PRRC2C: variants seen among roughly 807,000 people sequenced by gnomAD.
PRRC2C encodes the protein proline rich coiled-coil 2C, also known as protein PRRC2C.
A neutral mutation model predicts 317.2 loss-of-function variants in PRRC2C; 72 were observed. That is an observed-to-expected ratio of 0.23 (90% CI 0.19 to 0.28). PRRC2C has a LOEUF of 0.28. Ranked by LOEUF, PRRC2C falls within the 10% of genes least tolerant of loss-of-function variation. The pLI is 1.00. For missense variants in PRRC2C, 3,074 were observed against 3,459.7 expected, an observed-to-expected ratio of 0.89 and a Z score of 2.80; for synonymous variants, 1,296 against 1,205.9, an observed-to-expected ratio of 1.07 and a Z score of -1.55.
At chr1:171,586,063 A>ATT (rs920423722) in intron 30 of PRRC2C, among the ~76,000 whole-genome samples, 15 of 83,028 alleles carry the variant, frequency 1.8e-4, no homozygotes, top group African/African-American at 6.1e-4. Flanking sequence ...TCAGGTGTTG[A>ATT]TTTTTTTTTT....
chr1:171,570,022 A>T (rs545543836), intron 23 of PRRC2C, among the ~76,000 whole-genome samples: 88 of 152,226 alleles, frequency 5.8e-4, no homozygotes, highest in Non-Finnish European at 1.0e-3. Context: ...CCAGCCTCAT[A>T]TATAGGTGAA....
chr1:171,584,699 C>A (rs1382900204), intron 30 of PRRC2C, among the ~76,000 whole-genome samples, 173 bp downstream of exon 30: 1 of 152,168 alleles, frequency 6.6e-6, no homozygotes, highest in East Asian at 1.9e-4. Flanking sequence ...GGGTTTCAGG[C>A]TCATGACACC....
rs765763258 is a variant in PRRC2C at position 171,587,704 on chromosome 1, A to G, written c.8025A>G (p.Thr2675=). 6.2e-7 allele frequency: 1 copy of G among 1,613,626 alleles called. No homozygotes were observed. The highest frequency in any genetic ancestry group is 8.5e-7 in the Non-Finnish European group (1 of 1,179,620). ...FGSGIDIKPG[T]PPIAGRSTTP... ...GTGGCATTGATATAAAACCAGGCAC[A>G]CCTCCAATCGCTGGTAGAAGCACCA... The change falls in exon 32 of 35, where the codon ACA becomes ACG. Residue 2675 remains threonine (T), a synonymous_variant. Coordinates refer to ENST00000647382, the MANE Select transcript of PRRC2C (RefSeq NM_001387844.1).
intron 30 of PRRC2C, 78 bp from the exon 31 acceptor site, chr1:171,586,925 G>C (rs993942425): frequency 9.3e-7 from 1 of 1,070,178 alleles, no homozygotes; most frequent in Admixed American, 2.2e-5. Context: ...AGTATTTGAA[G>C]AGTTGTGTAT....
intron 12 of PRRC2C, among the ~76,000 whole-genome samples, chr1:171,533,827 T>C (rs988168237): frequency 2.0e-5 from 3 of 152,312 alleles, no homozygotes; most frequent in Middle Eastern, 3.4e-3. Context: ...TTTCACTATG[T>C]TGGCTAGCAT....
Position 171,566,629 on chromosome 1 carries a change from A to T in PRRC2C, c.6344A>T (p.Lys2115Ile). Residue 2115 changes from lysine (K) to isoleucine (I), a missense_variant, in exon 22 of 35, where the codon AAA becomes ATA. Physicochemically the swap from Lys to Ile is moderately radical, Grantham distance 102. Coordinates refer to ENST00000647382, the MANE Select transcript of PRRC2C (RefSeq NM_001387844.1). ...DLSPVENKEH[K>I]PGPIGKERSL... is the part of the protein sequence containing the mutation. ...AGTCCAGTAGAAAACAAAGAACACAAACCTGGTCCCATTGGAAAGGAACGT... is the reference window on the plus strand; with the variant it reads ...AGTCCAGTAGAAAACAAAGAACACATACCTGGTCCCATTGGAAAGGAACGT... 6.2e-7 allele frequency: 1 copy of T among 1,601,212 alleles called. No individual in the cohort carries two copies.
chr1:171,518,352 GAGGTCCAT>G (rs886912146), intron 6 of PRRC2C, among the ~76,000 whole-genome samples: 2 of 151,652 alleles, frequency 1.3e-5, no homozygotes, highest in East Asian at 1.9e-4. Flanking sequence ...TTCCTGAGAG[GAGGTCCAT>G]AGGTCCATAG....
intron 11 of PRRC2C, among the ~76,000 whole-genome samples, chr1:171,531,391 C>T (rs1420849217): frequency 6.6e-6 from 1 of 152,190 alleles, no homozygotes; most frequent in African/African-American, 2.4e-5. Context: ...TTCAGCTTAT[C>T]TCTGAGCTGT....
rs1273377463 is a variant in PRRC2C, at chr1:171,540,875, G to C, written c.3409G>C (p.Glu1137Gln). 6.2e-7 allele frequency: 1 copy of C among 1,613,424 alleles called. No individual in the cohort carries two copies. The highest frequency in any genetic ancestry group is 8.5e-7 in the Non-Finnish European group (1 of 1,179,742). Residue 1137 changes from glutamate to glutamine, a missense_variant, in exon 16 of 35, where the codon GAA becomes CAA. Around this residue, in one of 11 missense-constraint regions of PRRC2C, gnomAD observed 1,320 missense variants for 1,395.7 expected, o/e 0.95. Transcript: ENST00000647382. ...QTMAAPVVKE[E>Q]KQPEKVISKD... ...TATGGCAGCACCAGTAGTCAAAGAAGAAAAACAACCTGAGAAAGTCATCAG... is the reference window on the plus strand; with the variant it reads ...TATGGCAGCACCAGTAGTCAAAGAACAAAAACAACCTGAGAAAGTCATCAG...
chr1:171,592,007 C>T lies in PRRC2C; in HGVS notation c.*160C>T. 1 of 913,704 alleles carries T rather than the reference C, an allele frequency of 1.1e-6. No individual in the cohort carries two copies. Among genetic ancestry groups the T allele is most frequent in the South Asian group, 1.9e-5 (1 of 52,948 alleles). 56.6% of individuals were successfully genotyped at this position (913,704 alleles called of 1,614,324 possible). A position where few individuals can be genotyped will look rare whatever the true frequency, so the allele number is the denominator to read the frequency against. ...CATAGGAGCAATTTACACTGACACA[C>T]AGCTGCTGTACCAGTGAAAACGAGG... is the stretch of plus-strand genomic sequence containing the variant. On this transcript the variant is annotated 3_prime_UTR_variant, in exon 35 of 35. Transcript: ENST00000647382.
chr1:171,534,443 A>G (rs746328858), intron 12 of PRRC2C, among the ~76,000 whole-genome samples: 1 of 147,152 alleles, frequency 6.8e-6, no homozygotes, highest in Non-Finnish European at 1.5e-5. Flanking sequence ...TAGCTTGTTT[A>G]TCAGTGAGAT....
chr1:171,522,815 G>A (rs1442906570), intron 7 of PRRC2C, among the ~76,000 whole-genome samples: 1 of 150,674 alleles, frequency 6.6e-6, no homozygotes, highest in Non-Finnish European at 1.5e-5. Flanking sequence ...TAAAATTGAT[G>A]ACACTTGTTT....
intron 15 of PRRC2C, 105 bp from the exon 16 acceptor site, chr1:171,539,866 G>T: frequency 1.0e-6 from 1 of 978,514 alleles, no homozygotes; most frequent in Non-Finnish European, 1.5e-6. Context: ...TTCTCATTAT[G>T]GTTAAGAGTC....
rs1678902000 is a variant in PRRC2C, at chr1:171,545,463, A to G, written c.4764-16A>G. 1.3e-6 allele frequency: 2 copies of G among 1,547,794 alleles called. No individual in the cohort carries two copies. The highest frequency in any genetic ancestry group is 1.4e-5 in the African/African-American group (1 of 72,858). On this transcript the variant is annotated splice_polypyrimidine_tract_variant and intron_variant, in intron 16 of 34. Coordinates refer to ENST00000647382, the MANE Select transcript of PRRC2C (RefSeq NM_001387844.1). ...GGTAGGTGGAAATAGTAATATCTCA[A>G]GTTATTTTTTTGTAGGCCATTTGAT... is the stretch of plus-strand genomic sequence containing the variant.
At chr1:171,538,537 G>A (rs1389729468) in intron 15 of PRRC2C, among the ~76,000 whole-genome samples, 2 of 151,940 alleles carry the variant, frequency 1.3e-5, no homozygotes, top group African/African-American at 4.8e-5. Flanking sequence ...TATTTTTTTG[G>A]TAATGTTTTA....
chr1:171,566,867 A>G, intron 22 of PRRC2C, 24 bp downstream of exon 22: 1 of 1,582,402 alleles, frequency 6.3e-7, no homozygotes, highest in Non-Finnish European at 8.6e-7. Flanking sequence ...AGGGATTACC[A>G]GTTCAACAGA....
At chr1:171,586,309 T>G (rs1356070951) in intron 30 of PRRC2C, among the ~76,000 whole-genome samples, 1 of 151,126 alleles carries the variant, frequency 6.6e-6, no homozygotes, top group African/African-American at 2.4e-5. Flanking sequence ...CAGGCTGGTC[T>G]CAAACCCCTG....
intron 34 of PRRC2C, 122 bp from the exon 35 acceptor site, chr1:171,591,465 C>T (rs1651422658): frequency 2.6e-6 from 3 of 1,145,274 alleles, no homozygotes; most frequent in Non-Finnish European, 3.6e-6. Context: ...GTACTTTTGG[C>T]TTTGGCCAAA....
chr1:171,592,109 A>G lies in PRRC2C; in HGVS notation c.*262A>G. On this transcript the variant is annotated 3_prime_UTR_variant, in exon 35 of 35. Coordinates refer to ENST00000647382, the MANE Select transcript of PRRC2C (RefSeq NM_001387844.1). ...ATCTTCAGTCAGAATTTATATATAAATGTATGCACCCATTTTTTTGAGTGC... is the reference window on the plus strand; with the variant it reads ...ATCTTCAGTCAGAATTTATATATAAGTGTATGCACCCATTTTTTTGAGTGC... 2 of 385,834 alleles carry G rather than the reference A, an allele frequency of 5.2e-6. No homozygotes were observed. Among genetic ancestry groups the G allele is most frequent in the Non-Finnish European group, 9.2e-6 (2 of 217,428 alleles). The allele number at this position is 385,834 out of a possible 1,614,324, so 23.9% of individuals were successfully genotyped here. A position where few individuals can be genotyped will look rare whatever the true frequency, so the allele number is the denominator to read the frequency against.
Sources: allele counts gnomAD v4.1 joint callset (sites outside exome capture counted in the v4.1 genomes callset), GRCh38; gene constraint gnomAD v4.1.1; regional missense constraint gnomAD v4.1.1; transcripts MANE v1.5; gene names NCBI Gene and HGNC (gene_info 2026-07-23, HGNC 2026-07-21).